Variants in BRME1 observed in about 807,000 individuals in gnomAD.
BRME1 encodes break repair meiotic recombinase recruitment factor 1.
Under a neutral mutation model 52.6 loss-of-function variants are expected in BRME1, and 31 were observed. That is an observed-to-expected ratio of 0.59 (90% CI 0.44 to 0.80). The LOEUF is 0.80. Ranked by LOEUF, BRME1 falls within the 30% of genes least tolerant of loss-of-function variation. The probability of loss-of-function intolerance (pLI) is 0.00; values close to 1 mark genes in which losing one functional copy is unlikely to be tolerated. For missense variants in BRME1, 804 were observed against 860.3 expected, an observed-to-expected ratio of 0.93 and a Z score of 0.82; for synonymous variants, 359 against 353.6, an observed-to-expected ratio of 1.02 and a Z score of -0.17.
In BRME1 at chr19:13,883,059, C is replaced by G. The variant is rs542482219; in HGVS notation, c.1857-107G>C. The G allele has an allele frequency of 7.2e-7, 1 of 1,388,286 alleles. No homozygotes were observed. The highest frequency in any genetic ancestry group is 2.0e-5 in the Admixed American group (1 of 49,798). 86.0% of individuals were successfully genotyped at this position (1,388,286 alleles called of 1,614,324 possible). A position where few individuals can be genotyped will look rare whatever the true frequency, so the allele number is the denominator to read the frequency against. ...CACCAATGACTCAGGTGCACACACACGGCTCACACACGTGCACATAACCAG... is the reference window on the plus strand; with the variant it reads ...CACCAATGACTCAGGTGCACACACAGGGCTCACACACGTGCACATAACCAG... On this transcript the variant is annotated intron_variant, in intron 8 of 8. Coordinates refer to ENST00000586783, the MANE Select transcript of BRME1 (RefSeq NM_001345843.2). This position sits in a 1 kb window ranked among gnomAD's most constrained non-coding sequence, Gnocchi z 4.2.
intron 2 of BRME1, 152 bp downstream of exon 2, chr19:13,904,710 G>A: frequency 1.3e-6 from 1 of 762,508 alleles, no homozygotes; most frequent in Non-Finnish European, 2.2e-6. Flanking sequence ...AAAGTGCTGA[G>A]ATTACAGGTG....
intron 1 of BRME1, among the ~76,000 whole-genome samples, chr19:13,905,507 C>CAA (rs56670938): frequency 0.27 from 31,961 of 118,536 alleles, 4,079 homozygotes; most frequent in African/African-American, 0.34. Flanking sequence ...GACTCCGTCT[C>CAA]AAAAAAAAAA....
At position 13,882,812 on chromosome 19, in the gene BRME1, C is replaced by T. The variant is rs756662584; in HGVS notation, c.1997G>A (p.Arg666Lys). The change falls in exon 9 of 9, where the codon AGG (arginine) becomes AAG (lysine). Residue 666 changes from arginine to lysine, a missense_variant. This residue lies in a region of BRME1 where 552 missense variants were observed against 561.1 expected (regional missense o/e 0.98). Coordinates refer to ENST00000586783, the MANE Select transcript of BRME1 (RefSeq NM_001345843.2). ...GNIPRGDPPW[R>K]EL ...AGACCTCAAAGTGGCCTACAACTCC[C>T]TCCAGGGTGGGTCCCCTCGAGGGAT... The T allele has an allele frequency of 1.2e-6, 2 of 1,613,948 alleles. No homozygotes were observed. Among genetic ancestry groups the T allele is most frequent in the South Asian group, 1.1e-5 (1 of 91,060 alleles).
chr19:13,903,641 C>G (rs1268190378), intron 2 of BRME1, among the ~76,000 whole-genome samples: 1 of 150,724 alleles, frequency 6.6e-6, no homozygotes, highest in Non-Finnish European at 1.5e-5. Context: ...CTACTGCACT[C>G]CAGCCTGGAC....
At chr19:13,884,041 A>C (rs907751693) in intron 7 of BRME1, among the ~76,000 whole-genome samples, 4 of 151,918 alleles carry the variant, frequency 2.6e-5, no homozygotes, top group African/African-American at 7.3e-5. Flanking sequence ...CCTCCCCAGC[A>C]CCCAGGGCAG....
intron 2 of BRME1, among the ~76,000 whole-genome samples, chr19:13,902,049 G>T (rs1172601445): frequency 7.2e-6 from 1 of 139,568 alleles, no homozygotes; most frequent in Non-Finnish European, 1.6e-5. Context: ...TCGAAAAAAA[G>T]AAAAAAAAAA....
Position 13,886,750 on chromosome 19 carries a change from A to G in BRME1, c.1669-695T>C, listed in dbSNP as rs569829913. On this transcript the variant is annotated intron_variant, in intron 6 of 8. Coordinates refer to ENST00000586783, the MANE Select transcript of BRME1 (RefSeq NM_001345843.2). ...TGAGGTGGGAGGATTGTTTGAGGCC[A>G]AGAGTTCCAGACCAGCCTGGGCAAC... 3.3e-5 allele frequency among the ~76,000 whole-genome samples: 5 copies of G among 149,788 alleles called. No individual in the cohort carries two copies. The South Asian group carries it at 1.1e-3, about 32-fold the overall frequency.
intron 2 of BRME1, among the ~76,000 whole-genome samples, chr19:13,899,340 G>A (rs1238446357): frequency 1.3e-5 from 2 of 151,776 alleles, no homozygotes; most frequent in African/African-American, 4.8e-5. Flanking sequence ...CAGTAGAGAC[G>A]GGTTTTCACC....
rs1383963229 is a variant in BRME1, at chr19:13,890,100, G to C, written c.756C>G (p.Pro252=). ...SEGEKPDRGA[P]QEGGAQRTAG... is the part of the protein sequence containing the mutation. ...CTGTCCTTTGGGCCCCTCCCTCCTGGGGGGCTCCTCTGTCTGGCTTCTCCC... is the reference window on the plus strand; with the variant it reads ...CTGTCCTTTGGGCCCCTCCCTCCTGCGGGGCTCCTCTGTCTGGCTTCTCCC... The change falls in exon 6 of 9, where the codon CCC becomes CCG. Residue 252 remains proline, a synonymous_variant. Coordinates refer to ENST00000586783, the MANE Select transcript of BRME1 (RefSeq NM_001345843.2). The C allele has an allele frequency of 6.2e-7, 1 of 1,614,014 alleles. No homozygotes were observed. Among genetic ancestry groups the C allele is most frequent in the Non-Finnish European group, 8.5e-7 (1 of 1,179,998 alleles).
rs113253564 is a variant in BRME1, at chr19:13,896,099, G to A, written c.32-553C>T. ...AGCCTGGCCAACATGGCAAAACCCC[G>A]TCTCTACTGAAAATACAAAAATTAG... On this transcript the variant is annotated intron_variant, in intron 2 of 8. Transcript: ENST00000586783. 1.1e-3 allele frequency among the ~76,000 whole-genome samples: 166 copies of A among 152,110 alleles called. 1 individual carries two copies. The highest frequency in any genetic ancestry group is 3.8e-3 in the African/African-American group (157 of 41,496).
chr19:13,882,563 A>G lies in BRME1; in HGVS notation c.*239T>C, dbSNP rs1308931760. ...CTTCCTGGAGCCCAGGCCCGCTTGA[A>G]GTCACTGGGGCTGTGGGAGACACAG... is the stretch of plus-strand genomic sequence containing the variant. On this transcript the variant is annotated 3_prime_UTR_variant, in exon 9 of 9. Transcript: ENST00000586783. 1.8e-6 allele frequency: 1 copy of G among 562,708 alleles called. No individual in the cohort carries two copies. The highest frequency in any genetic ancestry group is 3.1e-6 in the Non-Finnish European group (1 of 323,814). 34.9% of individuals were successfully genotyped at this position (562,708 alleles called of 1,614,324 possible).
chr19:13,900,187 A>G (rs570747708), intron 2 of BRME1, among the ~76,000 whole-genome samples: 12 of 152,270 alleles, frequency 7.9e-5, no homozygotes, highest in African/African-American at 2.9e-4. Flanking sequence ...ATCTGTCCAC[A>G]TGGGACTAAT....
In BRME1 at chr19:13,891,607, T is replaced by C. The variant is rs561252138; in HGVS notation, c.394-1145A>G. On this transcript the variant is annotated intron_variant, in intron 5 of 8. Coordinates refer to ENST00000586783, the MANE Select transcript of BRME1 (RefSeq NM_001345843.2). ...CCTCAGCCTCCTAAGTAGCTGGGACTACAGGTACACACCACAACTGGCTAA... is the reference window on the plus strand; with the variant it reads ...CCTCAGCCTCCTAAGTAGCTGGGACCACAGGTACACACCACAACTGGCTAA... 3.9e-5 allele frequency among the ~76,000 whole-genome samples: 6 copies of C among 151,980 alleles called. No homozygotes were observed. The East Asian group carries it at 1.2e-3, about 30-fold the overall frequency.
At chr19:13,899,323 G>A (rs1473105866) in intron 2 of BRME1, among the ~76,000 whole-genome samples, 1 of 151,700 alleles carries the variant, frequency 6.6e-6, no homozygotes, top group Non-Finnish European at 1.5e-5. Context: ...TAATTTTTTT[G>A]TATTTTCAGT....
At chr19:13,902,254 G>A (rs750438550) in intron 2 of BRME1, among the ~76,000 whole-genome samples, 1 of 151,766 alleles carries the variant, frequency 6.6e-6, no homozygotes, top group Non-Finnish European at 1.5e-5. Context: ...CAAGAGAATC[G>A]CTTGAAACCA....
At chr19:13,899,608 C>T (rs1970159955) in intron 2 of BRME1, among the ~76,000 whole-genome samples, 1 of 152,108 alleles carries the variant, frequency 6.6e-6, no homozygotes, top group African/African-American at 2.4e-5. Flanking sequence ...TGCAATGCAC[C>T]CTTTGATCTC....
chr19:13,891,250 C>T (rs1304761275), intron 5 of BRME1, among the ~76,000 whole-genome samples: 5 of 150,876 alleles, frequency 3.3e-5, no homozygotes, highest in African/African-American at 9.8e-5. Context: ...CCCGGGTTCA[C>T]GCAATTCTCC....
chr19:13,895,231 G>C (rs963839939), intron 3 of BRME1, 141 bp downstream of exon 3: 17 of 793,404 alleles, frequency 2.1e-5, no homozygotes, highest in Admixed American at 1.3e-4. Context: ...CGAGATCCGA[G>C]GGCCCTGAGC....
At chr19:13,898,007 G>A (rs1055242036) in intron 2 of BRME1, among the ~76,000 whole-genome samples, 1 of 151,886 alleles carries the variant, frequency 6.6e-6, no homozygotes, top group Non-Finnish European at 1.5e-5. Flanking sequence ...GCTGAGGCAG[G>A]AGAATCGCTT....
Sources: gnomAD v4.1 joint callset for allele counts (sites outside exome capture counted in the v4.1 genomes callset) on GRCh38, gnomAD v4.1.1 for gene constraint, gnomAD v4.1.1 regional missense constraint, Gnocchi (gnomAD v3.1) non-coding constraint, MANE v1.5 for transcripts, NCBI Gene and HGNC (gene_info 2026-07-23, HGNC 2026-07-21) for gene names.